Variants in METTL24 observed in about 807,000 individuals in gnomAD.
The protein encoded by METTL24 is probable methyltransferase-like protein 24.
A neutral mutation model predicts 32.7 loss-of-function variants in METTL24; 29 were observed. The observed-to-expected ratio is 0.89, with a 90% CI of 0.66 to 1.21. METTL24 has a LOEUF of 1.21. METTL24 is among the 50% of genes most tolerant of loss of function. The pLI, the probability that METTL24 is intolerant of heterozygous loss-of-function variation, is 0.00. For synonymous variants in METTL24, 163 were observed against 179.5 expected, an observed-to-expected ratio of 0.91 and a Z score of 0.73; for missense variants, 439 against 468.1, an observed-to-expected ratio of 0.94 and a Z score of 0.57.
intron 3 of METTL24, among the ~76,000 whole-genome samples, chr6:110,309,871 C>CAA (rs770540723): frequency 6.7e-6 from 1 of 148,870 alleles, no homozygotes; most frequent in African/African-American, 2.5e-5. Flanking sequence ...GCAAAAAAAA[C>CAA]AAAACAAAAC....
At chr6:110,253,620 CA>C (rs966446979) in intron 4 of METTL24, among the ~76,000 whole-genome samples, 24 of 151,788 alleles carry the variant, frequency 1.6e-4, no homozygotes, top group African/African-American at 5.8e-4. Flanking sequence ...CATAGATAAA[CA>C]AAAAAAGAAG....
chr6:110,263,518 T>A (rs1770791416), intron 4 of METTL24, among the ~76,000 whole-genome samples: 1 of 152,204 alleles, frequency 6.6e-6, no homozygotes, highest in African/African-American at 2.4e-5. Flanking sequence ...GTAGGAATAA[T>A]CAATATCGTG....
intron 4 of METTL24, among the ~76,000 whole-genome samples, chr6:110,295,277 A>G (rs904398378): frequency 6.6e-6 from 1 of 152,230 alleles, no homozygotes; most frequent in East Asian, 1.9e-4. Context: ...ATTTAATTTC[A>G]AAGCCCATAT....
At chr6:110,349,342 A>T (rs1166574298) in intron 1 of METTL24, among the ~76,000 whole-genome samples, 1 of 152,210 alleles carries the variant, frequency 6.6e-6, no homozygotes, top group Admixed American at 6.5e-5. Flanking sequence ...CAGAGCATTC[A>T]TCCCTCTGCC....
intron 4 of METTL24, among the ~76,000 whole-genome samples, chr6:110,263,083 CA>C (rs1770780551): frequency 6.6e-6 from 1 of 152,162 alleles, no homozygotes; most frequent in Non-Finnish European, 1.5e-5. Flanking sequence ...CCTCTCTCAC[CA>C]CTCCTATTCA....
At chr6:110,300,838 A>G (rs1771505686) in intron 3 of METTL24, among the ~76,000 whole-genome samples, 1 of 152,268 alleles carries the variant, frequency 6.6e-6, no homozygotes, top group African/African-American at 2.4e-5. Context: ...AACATTAAAA[A>G]TAGTAAAAAT....
chr6:110,261,648 A>G (rs552197761), intron 4 of METTL24, among the ~76,000 whole-genome samples: 2 of 152,180 alleles, frequency 1.3e-5, no homozygotes, highest in Non-Finnish European at 2.9e-5. Context: ...TCCACCCCAA[A>G]TCAACAATAT....
chr6:110,283,634 T>C (rs1273576245), intron 4 of METTL24, among the ~76,000 whole-genome samples: 2 of 152,198 alleles, frequency 1.3e-5, no homozygotes, highest in Admixed American at 6.5e-5. Flanking sequence ...CAGCTTTCTC[T>C]ATTAAACATT....
chr6:110,255,325 GCTGAGCAAGAAT>G (rs1289608312), intron 4 of METTL24, among the ~76,000 whole-genome samples: 1 of 152,080 alleles, frequency 6.6e-6, no homozygotes, highest in Non-Finnish European at 1.5e-5. Context: ...ACCTGAGACT[GCTGAGCAAGAAT>G]CTCCTGAGCT....
chr6:110,357,900 C>T, intron 1 of METTL24, 55 bp downstream of exon 1: 1 of 1,053,670 alleles, frequency 9.5e-7, no homozygotes, highest in Non-Finnish European at 1.2e-6. Context: ...CTCCGTAGCG[C>T]GGTCGGGAGG....
chr6:110,298,346 A>C (rs1351401972), intron 4 of METTL24, among the ~76,000 whole-genome samples: 1 of 152,246 alleles, frequency 6.6e-6, no homozygotes, highest in Non-Finnish European at 1.5e-5. Flanking sequence ...CTGTCCATTC[A>C]TAATAAAATG....
At chr6:110,256,870 G>A (rs1778395188) in intron 4 of METTL24, among the ~76,000 whole-genome samples, 1 of 152,082 alleles carries the variant, frequency 6.6e-6, no homozygotes, top group Non-Finnish European at 1.5e-5. Flanking sequence ...CTCTATTCAT[G>A]TCACTTCCTT....
chr6:110,297,759 C>T (rs1021771126), intron 4 of METTL24, among the ~76,000 whole-genome samples: 1 of 152,080 alleles, frequency 6.6e-6, no homozygotes, highest in Non-Finnish European at 1.5e-5. Flanking sequence ...GAGATTTTAC[C>T]CAAAAATCCT....
intron 3 of METTL24, among the ~76,000 whole-genome samples, chr6:110,313,646 AC>A (rs1373628219): frequency 2.0e-5 from 3 of 152,220 alleles, no homozygotes; most frequent in Admixed American, 6.5e-5. Context: ...TTTATGACCC[AC>A]TTTCAGACAT....
At chr6:110,285,702 G>A (rs1400400247) in intron 4 of METTL24, among the ~76,000 whole-genome samples, 4 of 152,140 alleles carry the variant, frequency 2.6e-5, no homozygotes, top group South Asian at 4.2e-4. Context: ...CTCACTGAAC[G>A]TAACATTCCT....
intron 1 of METTL24, among the ~76,000 whole-genome samples, chr6:110,333,589 G>C (rs1262694770): frequency 1.3e-5 from 2 of 152,046 alleles, no homozygotes; most frequent in Admixed American, 6.5e-5. Context: ...CGAGTAGCTG[G>C]GATTACAGGT....
chr6:110,340,887 C>T (rs1265230301), intron 1 of METTL24, among the ~76,000 whole-genome samples: 1 of 152,090 alleles, frequency 6.6e-6, no homozygotes, highest in Non-Finnish European at 1.5e-5. Flanking sequence ...TCTATTTTTA[C>T]ATTGAAAAGT....
chr6:110,347,408 A>C (rs1485895438), intron 1 of METTL24, among the ~76,000 whole-genome samples: 1 of 152,206 alleles, frequency 6.6e-6, no homozygotes, highest in African/African-American at 2.4e-5. Flanking sequence ...CTTAAATTAT[A>C]AGCTGCTTGA....
intron 3 of METTL24, among the ~76,000 whole-genome samples, chr6:110,302,287 G>C (rs1024079775): frequency 6.6e-6 from 1 of 150,988 alleles, no homozygotes. Context: ...AAAAAAAAAA[G>C]AGAACATTAT....
Sources: allele counts gnomAD v4.1 joint callset (sites outside exome capture counted in the v4.1 genomes callset), GRCh38; gene constraint gnomAD v4.1.1; transcripts MANE v1.5; gene names NCBI Gene and HGNC (gene_info 2026-07-23, HGNC 2026-07-21).